The following NRK variants were observed in gnomAD, a reference collection of about 807,000 sequenced individuals.
NRK encodes nik-related protein kinase.
A neutral mutation model predicts 125.2 loss-of-function variants in NRK; 67 were observed. That is an observed-to-expected ratio of 0.54 (90% CI 0.44 to 0.66). The LOEUF (loss-of-function observed/expected upper bound fraction) is 0.66, where lower values mean the gene tolerates loss of function less well. NRK is among the 30% of genes least tolerant of loss of function. NRK has a pLI of 0.00. For missense variants in NRK, 1,224 were observed against 1,192.9 expected (o/e 1.03, Z -0.38); for synonymous variants, 458 against 429.0 (o/e 1.07, Z -0.84).
At chrX:105,889,121 A>C in intron 5 of NRK, among the ~76,000 whole-genome samples, 1 of 112,815 alleles carries the variant, frequency 8.9e-6, no homozygotes, top group African/African-American at 3.2e-5. Flanking sequence ...TACCGTAGAT[A>C]CAATGTGGGT....
rs2039186104 is a variant in NRK at position 105,831,115 on chromosome X, A to G, written c.119A>G (p.Tyr40Cys). The G allele has an allele frequency of 2.7e-6, 3 of 1,100,128 alleles. No homozygotes were observed. The highest frequency in any genetic ancestry group is 3.7e-6 in the Non-Finnish European group (3 of 800,035). 90.7% of individuals were successfully genotyped at this position (1,100,128 alleles called of 1,213,427 possible). ...TIGLGTYGRI[Y>C]LGLHEKTGAF... is the part of the protein sequence containing the mutation. ...GGCCTTGGTACTTATGGCAGAATCTATTTGGTAAGTTGACTTACATTATTT... is the reference window on the plus strand; with the variant it reads ...GGCCTTGGTACTTATGGCAGAATCTGTTTGGTAAGTTGACTTACATTATTT... The change falls in exon 2 of 29, where the codon TAT (tyrosine) becomes TGT (cysteine). Residue 40 changes from tyrosine (Y) to cysteine (C), a missense_variant. By Grantham distance (194) the Tyr-to-Cys change is radical (BLOSUM62 -2). Coordinates refer to ENST00000243300, the MANE Select transcript of NRK (RefSeq NM_198465.4).
chrX:105,909,172 C>T lies in NRK; in HGVS notation c.1531C>T (p.Gln511Ter), dbSNP rs1191452129. Reference sequence around the variant, plus strand: ...GGCCCAGACCCAGACATCAGAACCACAAGATTTGGACCAGGTACCAGAGGA... The same window carrying T: ...GGCCCAGACCCAGACATCAGAACCATAAGATTTGGACCAGGTACCAGAGGA... ...QQAQTQTSEP[Q>*]DLDQVPEEFQ... Residue 511 changes from glutamine (Q) to a stop codon, truncating the protein, a stop_gained, in exon 13 of 29, where the codon CAA becomes TAA. Transcript: ENST00000243300. LOFTEE classifies it high-confidence loss of function. 8.3e-7 allele frequency: 1 copy of T among 1,211,184 alleles called. No homozygotes were observed. The highest frequency in any genetic ancestry group is 1.1e-6 in the Non-Finnish European group (1 of 895,252).
At chrX:105,850,031 C>T (rs918692794) in intron 2 of NRK, among the ~76,000 whole-genome samples, 1 of 112,302 alleles carries the variant, frequency 8.9e-6, no homozygotes, top group African/African-American at 3.2e-5. Flanking sequence ...TCTGCACTGC[C>T]CTAGCAGAGG....
intron 1 of NRK, among the ~76,000 whole-genome samples, chrX:105,827,603 G>GA (rs1271410409): frequency 4.5e-5 from 5 of 109,933 alleles, no homozygotes; most frequent in Non-Finnish European, 1.9e-5. Context: ...TCAGGAGACA[G>GA]AAACGACTCC....
At chrX:105,927,646 G>A (rs1055639317) in intron 19 of NRK, among the ~76,000 whole-genome samples, 8 of 111,449 alleles carry the variant, frequency 7.2e-5, no homozygotes, top group African/African-American at 2.6e-4. Flanking sequence ...TTTGAGGTAT[G>A]TTACTTCCAT....
chrX:105,881,631 G>T, intron 3 of NRK, 77 bp from the exon 4 acceptor site: 1 of 532,588 alleles, frequency 1.9e-6, no homozygotes. Flanking sequence ...GAGTGCTAAC[G>T]TAGCTTAAAG....
intron 15 of NRK, 100 bp from the exon 16 acceptor site, chrX:105,917,478 C>A (rs2040381112): frequency 2.4e-6 from 1 of 417,821 alleles, no homozygotes; most frequent in Non-Finnish European, 4.0e-6. Flanking sequence ...GATATGTACC[C>A]ATATATTTAA....
chrX:105,842,043 A>G (rs1323666493), intron 2 of NRK, among the ~76,000 whole-genome samples: 1 of 111,384 alleles, frequency 9.0e-6, no homozygotes, highest in Non-Finnish European at 1.9e-5. Flanking sequence ...CTTAATCATA[A>G]TATAGTATAT....
chrX:105,826,851 A>G (rs1410115656), intron 1 of NRK, among the ~76,000 whole-genome samples: 2 of 110,787 alleles, frequency 1.8e-5, no homozygotes, highest in Non-Finnish European at 3.8e-5. Context: ...TTACATATAT[A>G]TAGAGCATCA....
At chrX:105,858,077 T>C (rs1322191757) in intron 2 of NRK, among the ~76,000 whole-genome samples, 1 of 111,532 alleles carries the variant, frequency 9.0e-6, no homozygotes, top group Non-Finnish European at 1.9e-5. Context: ...TAGAAAACTT[T>C]TCAGCAAAAA....
chrX:105,895,694 C>T (rs923910667), intron 7 of NRK, among the ~76,000 whole-genome samples, 171 bp downstream of exon 7: 1 of 111,086 alleles, frequency 9.0e-6, no homozygotes, highest in Non-Finnish European at 1.9e-5. Flanking sequence ...GGAGAGGAGG[C>T]GGGGCAAAAG....
At chrX:105,942,288 T>C (rs914413094) in intron 23 of NRK, among the ~76,000 whole-genome samples, 1 of 112,101 alleles carries the variant, frequency 8.9e-6, no homozygotes, top group Middle Eastern at 4.2e-3. Context: ...ATGGTTTTTT[T>C]CTCTTGGATA....
At chrX:105,925,607 G>A (rs144155434) in intron 19 of NRK, among the ~76,000 whole-genome samples, 10 of 110,338 alleles carry the variant, frequency 9.1e-5, no homozygotes, top group African/African-American at 3.0e-4. Flanking sequence ...TCACTCTCCC[G>A]TACTCCTCTT....
chrX:105,941,807 A>G (rs2040746438), intron 23 of NRK, among the ~76,000 whole-genome samples: 1 of 111,309 alleles, frequency 9.0e-6, no homozygotes, highest in African/African-American at 3.3e-5. Context: ...GCACAATTCA[A>G]TGGGTTTTAG....
At chrX:105,927,955 G>A (rs1329900434) in intron 19 of NRK, among the ~76,000 whole-genome samples, 1 of 110,679 alleles carries the variant, frequency 9.0e-6, no homozygotes, top group Non-Finnish European at 1.9e-5. Context: ...TTTGTTTGTT[G>A]TAACTGTTGT....
At chrX:105,876,675 T>C (rs2039820356) in intron 2 of NRK, among the ~76,000 whole-genome samples, 1 of 112,167 alleles carries the variant, frequency 8.9e-6, no homozygotes, top group Non-Finnish European at 1.9e-5. Context: ...CTAAATTCCT[T>C]TCTTAGTGTT....
At chrX:105,914,888 T>C (rs941997658) in intron 14 of NRK, among the ~76,000 whole-genome samples, 1 of 104,426 alleles carries the variant, frequency 9.6e-6, no homozygotes, top group African/African-American at 3.5e-5. Flanking sequence ...TTATTGCATG[T>C]CAGAATGACC....
chrX:105,847,837 T>A (rs1602604425), intron 2 of NRK, among the ~76,000 whole-genome samples: 1 of 111,796 alleles, frequency 8.9e-6, no homozygotes, highest in East Asian at 2.8e-4. Flanking sequence ...ATCACATAAA[T>A]CTGATTTTAA....
intron 4 of NRK, among the ~76,000 whole-genome samples, chrX:105,887,426 G>T (rs2147716577): frequency 8.9e-6 from 1 of 112,000 alleles, no homozygotes; most frequent in Admixed American, 9.5e-5. Flanking sequence ...ACAGAAAATA[G>T]CAAGTGTTGG....
Sources: allele counts gnomAD v4.1 joint callset (sites outside exome capture counted in the v4.1 genomes callset), GRCh38; gene constraint gnomAD v4.1.1; transcripts MANE v1.5; gene names NCBI Gene and HGNC (gene_info 2026-07-23, HGNC 2026-07-21).